Variants in EYS observed in about 807,000 individuals in gnomAD.
EYS encodes EGF-like photoreceptor maintenance factor.
Under a neutral mutation model 282.1 loss-of-function variants are expected in EYS, and 250 were observed. The observed-to-expected ratio is 0.89, with a 90% CI of 0.80 to 0.98. The LOEUF (loss-of-function observed/expected upper bound fraction) is 0.98. Among genes scored for constraint, EYS ranks in the 50% least tolerant of loss-of-function variants. EYS has a pLI of 0.00. For synonymous variants in EYS, 1,355 were observed against 1,282.9 expected (o/e 1.06, Z -1.20); for missense variants, 4,016 against 3,709.0 (o/e 1.08, Z -2.15).
intron 12 of EYS, among the ~76,000 whole-genome samples, chr6:65,151,804 TTAA>T (rs1764617803): frequency 6.6e-6 from 1 of 152,036 alleles, no homozygotes; most frequent in Admixed American, 6.6e-5. Context: ...ACATAGTCTC[TTAA>T]TAATTAGATT....
intron 11 of EYS, chr6:65,329,331 T>C (rs1769712741): frequency 2.4e-6 from 2 of 830,754 alleles, no homozygotes; most frequent in Non-Finnish European, 2.9e-6. Flanking sequence ...GGTATGTGTA[T>C]GGGTAATACA....
At chr6:65,697,963 C>T (rs982211599) in intron 1 of EYS, among the ~76,000 whole-genome samples, 6 of 152,170 alleles carry the variant, frequency 3.9e-5, no homozygotes, top group Admixed American at 1.3e-4. Context: ...GTAACAAATA[C>T]GACATTTATT....
chr6:64,182,771 A>G (rs900020284), intron 31 of EYS, among the ~76,000 whole-genome samples: 1 of 151,646 alleles, frequency 6.6e-6, no homozygotes, highest in African/African-American at 2.4e-5. Flanking sequence ...ACTTCTTTCT[A>G]CTCACTCTGC....
intron 28 of EYS, among the ~76,000 whole-genome samples, chr6:64,408,868 G>T (rs1773802420): frequency 6.6e-6 from 1 of 152,116 alleles, no homozygotes; most frequent in Admixed American, 6.6e-5. Flanking sequence ...TGTTGCTGGG[G>T]TTTGGTGTAC....
chr6:64,804,157 T>C (rs909497099), intron 22 of EYS, among the ~76,000 whole-genome samples: 19 of 152,330 alleles, frequency 1.2e-4, no homozygotes, highest in Admixed American at 6.5e-5. Context: ...AAAATTGTTA[T>C]TTATTAAAGG....
At chr6:64,532,187 A>G (rs1287197143) in intron 26 of EYS, among the ~76,000 whole-genome samples, 2 of 152,196 alleles carry the variant, frequency 1.3e-5, no homozygotes, top group African/African-American at 2.4e-5. Flanking sequence ...GCAGAGAATG[A>G]TGTTCTAGAG....
At chr6:64,986,679 C>T (rs1417209557) in intron 14 of EYS, among the ~76,000 whole-genome samples, 2 of 150,608 alleles carry the variant, frequency 1.3e-5, no homozygotes, top group African/African-American at 4.8e-5. Context: ...TACAGTTAGA[C>T]TAATACACAG....
chr6:63,965,642 G>A (rs557793882), intron 35 of EYS, among the ~76,000 whole-genome samples: 10 of 152,200 alleles, frequency 6.6e-5, no homozygotes, highest in South Asian at 2.1e-4. Context: ...TCTAACTTGC[G>A]TAAATGATTT....
chr6:64,879,529 A>G (rs1191479780), intron 19 of EYS, among the ~76,000 whole-genome samples: 1 of 152,158 alleles, frequency 6.6e-6, no homozygotes, highest in Admixed American at 6.6e-5. Context: ...TAGAGAAAAT[A>G]TAAGATATTT....
At chr6:64,449,104 T>TA (rs1775223076) in intron 26 of EYS, among the ~76,000 whole-genome samples, 1 of 151,700 alleles carries the variant, frequency 6.6e-6, no homozygotes, top group African/African-American at 2.4e-5. Context: ...GATAAAAACT[T>TA]TAAAAAAAAA....
In EYS at chr6:64,584,986, AAAAT is replaced by A. The variant is rs1766187832; in HGVS notation, c.5644+5233_5644+5236del. ...CAATATCGTTACTGGATATATACTC[AAAAT>A]AAAATAGTTTTACTAAAAAGACACA... On this transcript the variant is annotated intron_variant, in intron 26 of 42. Transcript: ENST00000503581. 2.0e-5 allele frequency among the ~76,000 whole-genome samples: 3 copies of A among 152,158 alleles called. 1 individual carries two copies. Among genetic ancestry groups the A allele is most frequent in the Admixed American group, 2.0e-4 (3 of 15,242 alleles).
intron 12 of EYS, among the ~76,000 whole-genome samples, chr6:65,104,553 C>A (rs918272261): frequency 1.3e-5 from 2 of 151,308 alleles, no homozygotes; most frequent in African/African-American, 4.8e-5. Context: ...TTGGAAGTAA[C>A]TGTTTTACTC....
chr6:64,933,785 T>G (rs1473213989), intron 15 of EYS, among the ~76,000 whole-genome samples: 1 of 152,078 alleles, frequency 6.6e-6, no homozygotes, highest in African/African-American at 2.4e-5. Context: ...ATATACAGCA[T>G]GAAATACTCT....
At chr6:64,073,539 T>C (rs984369311) in intron 32 of EYS, among the ~76,000 whole-genome samples, 2 of 151,800 alleles carry the variant, frequency 1.3e-5, no homozygotes, top group Admixed American at 6.6e-5. Flanking sequence ...TAAAAATTAT[T>C]TGATTTTAGA....
chr6:64,831,390 C>A (rs935304447), intron 19 of EYS, among the ~76,000 whole-genome samples: 4 of 151,884 alleles, frequency 2.6e-5, no homozygotes, highest in African/African-American at 9.7e-5. Context: ...CTAATATTTT[C>A]ATTGTTTGGA....
chr6:63,777,647 C>T, intron 40 of EYS: 1 of 173,572 alleles, frequency 5.8e-6, no homozygotes, highest in South Asian at 1.5e-4. Flanking sequence ...ATTGCCCTTT[C>T]TAAAGGGGCT....
chr6:64,950,625 A>G (rs895126741), intron 14 of EYS, among the ~76,000 whole-genome samples: 1 of 150,978 alleles, frequency 6.6e-6, no homozygotes, highest in Admixed American at 6.6e-5. Context: ...AAAATATTTT[A>G]TAAAATTCAA....
chr6:65,378,957 A>T (rs1411715649), intron 8 of EYS, among the ~76,000 whole-genome samples: 2 of 152,066 alleles, frequency 1.3e-5, no homozygotes, highest in Non-Finnish European at 2.9e-5. Flanking sequence ...TGGGTGCAGC[A>T]AAACACCATG....
chr6:64,259,090 C>A (rs1310425970), intron 30 of EYS, among the ~76,000 whole-genome samples: 1 of 152,106 alleles, frequency 6.6e-6, no homozygotes, highest in Non-Finnish European at 1.5e-5. Context: ...GAACCACCTA[C>A]TATGGATTCC....
Sources: gnomAD v4.1 joint callset for allele counts (sites outside exome capture counted in the v4.1 genomes callset) on GRCh38, gnomAD v4.1.1 for gene constraint, MANE v1.5 for transcripts, NCBI Gene and HGNC (gene_info 2026-07-23, HGNC 2026-07-21) for gene names.